CNTNAP5: variants seen among roughly 807,000 people sequenced by gnomAD.
CNTNAP5 encodes contactin-associated protein-like 5.
Under a neutral mutation model 150.2 loss-of-function variants are expected in CNTNAP5, and 72 were observed. The ratio of observed to expected loss-of-function variants is 0.48; its 90% CI spans 0.40 to 0.58. CNTNAP5 has a LOEUF of 0.58. Ranked by LOEUF, CNTNAP5 falls within the 20% of genes least tolerant of loss-of-function variation. The pLI is 0.00. For synonymous variants in CNTNAP5, 672 were observed against 619.8 expected (o/e 1.08, Z -1.25); for missense variants, 1,636 against 1,626.2 (o/e 1.01, Z -0.10).
chr2:124,159,483 G>T (rs1684623772), intron 1 of CNTNAP5, among the ~76,000 whole-genome samples: 1 of 152,116 alleles, frequency 6.6e-6, no homozygotes, highest in South Asian at 2.1e-4. Context: ...TTGGCCTGTG[G>T]GTCATAGCTT....
rs370538920 is a variant in CNTNAP5 at position 124,264,506 on chromosome 2, C to T, written c.381+22113C>T. Among the ~76,000 whole-genome samples, 11 of 152,014 alleles carry T rather than the reference C, an allele frequency of 7.2e-5. No homozygotes were observed. In the East Asian group the frequency reaches 1.9e-3, roughly 27 times the overall value. On this transcript the variant is annotated intron_variant, in intron 3 of 23. Coordinates refer to ENST00000682447, the MANE Select transcript of CNTNAP5 (RefSeq NM_001367498.1). ...CGGACAGTTGATCCTTTTGAGGCAACATAAATATGGTCAGCCTGAGAGTCA... is the reference window on the plus strand; with the variant it reads ...CGGACAGTTGATCCTTTTGAGGCAATATAAATATGGTCAGCCTGAGAGTCA...
At chr2:124,726,465 A>G (rs1680159265) in intron 13 of CNTNAP5, among the ~76,000 whole-genome samples, 1 of 151,996 alleles carries the variant, frequency 6.6e-6, no homozygotes, top group African/African-American at 2.4e-5. Flanking sequence ...CTTTCCCCTA[A>G]GATTGTTAGT....
At chr2:124,336,456 G>T (rs1689471170) in intron 3 of CNTNAP5, among the ~76,000 whole-genome samples, 1 of 151,548 alleles carries the variant, frequency 6.6e-6, no homozygotes, top group South Asian at 2.1e-4. Flanking sequence ...CATGTGCCAT[G>T]TTGGTGTGCT....
At chr2:124,210,908 C>CAGCT (rs1456965097) in intron 1 of CNTNAP5, among the ~76,000 whole-genome samples, 1 of 152,076 alleles carries the variant, frequency 6.6e-6, no homozygotes, top group Non-Finnish European at 1.5e-5. Context: ...TTTCTCCAGC[C>CAGCT]AGCTGTCCCA....
intron 21 of CNTNAP5, among the ~76,000 whole-genome samples, chr2:124,892,695 C>T (rs974422624): frequency 2.0e-5 from 3 of 152,048 alleles, no homozygotes; most frequent in African/African-American, 7.2e-5. Flanking sequence ...AGCAGGCAAC[C>T]TTTATGCAGA....
intron 21 of CNTNAP5, among the ~76,000 whole-genome samples, chr2:124,898,566 G>C (rs906421994): frequency 1.3e-5 from 2 of 151,550 alleles, no homozygotes; most frequent in Non-Finnish European, 2.9e-5. Flanking sequence ...AAATAAAGGT[G>C]TTTGCAAAAT....
At chr2:124,799,437 A>G (rs1681918791) in intron 19 of CNTNAP5, among the ~76,000 whole-genome samples, 1 of 152,214 alleles carries the variant, frequency 6.6e-6, no homozygotes, top group Non-Finnish European at 1.5e-5. Flanking sequence ...ACAGTATGAT[A>G]TAAAAAACAC....
rs1156744323 is a variant in CNTNAP5 at position 124,451,029 on chromosome 2, TAAAAAAAAA to T, written c.918+4107_918+4115del. Among the ~76,000 whole-genome samples, 77 of 20,058 alleles carry T rather than the reference TAAAAAAAAA, an allele frequency of 3.8e-3. 2 individuals are homozygous for T. Among genetic ancestry groups the T allele is most frequent in the Admixed American group, 0.013 (13 of 970 alleles). 13.2% of individuals were successfully genotyped at this position (20,058 alleles called of 152,430 possible). A position where few individuals can be genotyped will look rare whatever the true frequency, so the allele number is the denominator to read the frequency against. Reference sequence around the variant, plus strand: ...GGTAGCAGAATAGGACCATGTCTCTTAAAAAAAAAAAAAAAAAAAAAAATATATATATAT... The same window carrying T: ...GGTAGCAGAATAGGACCATGTCTCTTAAAAAAAAAAAAAATATATATATAT... On this transcript the variant is annotated intron_variant, in intron 6 of 23. Coordinates refer to ENST00000682447, the MANE Select transcript of CNTNAP5 (RefSeq NM_001367498.1).
chr2:124,538,457 GAC>G (rs1305135606), intron 10 of CNTNAP5, among the ~76,000 whole-genome samples: 17 of 151,876 alleles, frequency 1.1e-4, no homozygotes, highest in African/African-American at 3.9e-4. Flanking sequence ...CAGCCTGGGT[GAC>G]ACAGTGTGTG....
chr2:124,872,381 TGTGTGTG>T (rs1677768425), intron 21 of CNTNAP5, among the ~76,000 whole-genome samples: 1 of 83,082 alleles, frequency 1.2e-5, no homozygotes, highest in Non-Finnish European at 2.7e-5. Flanking sequence ...ATGCTGTGTG[TGTGTGTG>T]TGTGTGTGTG....
At chr2:124,033,251 A>T (rs1371001845) in intron 1 of CNTNAP5, among the ~76,000 whole-genome samples, 1 of 152,200 alleles carries the variant, frequency 6.6e-6, no homozygotes, top group East Asian at 1.9e-4. Context: ...AAGTGAAGGG[A>T]AATGCCAAAA....
intron 11 of CNTNAP5, among the ~76,000 whole-genome samples, chr2:124,607,119 TTAGC>T (rs1274340896): frequency 1.3e-5 from 2 of 152,180 alleles, no homozygotes; most frequent in Non-Finnish European, 2.9e-5. Flanking sequence ...CGAGAGTTGA[TTAGC>T]TACCTATTGT....
At chr2:124,848,112 A>G (rs1351918612) in intron 19 of CNTNAP5, among the ~76,000 whole-genome samples, 1 of 152,168 alleles carries the variant, frequency 6.6e-6, no homozygotes, top group African/African-American at 2.4e-5. Flanking sequence ...ATCACCACCC[A>G]TGCTTTACAT....
chr2:124,828,915 G>T (rs1682657042), intron 19 of CNTNAP5, among the ~76,000 whole-genome samples: 1 of 151,878 alleles, frequency 6.6e-6, no homozygotes, highest in Non-Finnish European at 1.5e-5. Flanking sequence ...CTTACATATG[G>T]GGGTGGGGGT....
At chr2:124,266,734 A>G (rs1271175681) in intron 3 of CNTNAP5, among the ~76,000 whole-genome samples, 2 of 152,088 alleles carry the variant, frequency 1.3e-5, no homozygotes, top group African/African-American at 2.4e-5. Context: ...TTCCCAGCAT[A>G]TTAATGCTCT....
intron 3 of CNTNAP5, among the ~76,000 whole-genome samples, chr2:124,265,970 C>T (rs1179493925): frequency 6.6e-6 from 1 of 152,166 alleles, no homozygotes; most frequent in Non-Finnish European, 1.5e-5. Flanking sequence ...TCTCAGCTCG[C>T]ACTACATAAC....
chr2:124,265,946 T>C (rs560873415), intron 3 of CNTNAP5, among the ~76,000 whole-genome samples: 1 of 152,284 alleles, frequency 6.6e-6, no homozygotes, highest in Admixed American at 6.5e-5. Flanking sequence ...ATGTGTCTAG[T>C]GTTGACAACC....
chr2:124,654,256 G>A (rs1163212411), intron 13 of CNTNAP5, among the ~76,000 whole-genome samples: 1 of 152,172 alleles, frequency 6.6e-6, no homozygotes, highest in Non-Finnish European at 1.5e-5. Flanking sequence ...AGAGTAAAGG[G>A]AAGTCACTGG....
chr2:124,405,986 C>A (rs1691560912), intron 3 of CNTNAP5, among the ~76,000 whole-genome samples: 2 of 152,188 alleles, frequency 1.3e-5, no homozygotes, highest in African/African-American at 2.4e-5. Context: ...ACAAGTTTTT[C>A]TCTAAGGTCT....
Sources: allele counts gnomAD v4.1 joint callset (sites outside exome capture counted in the v4.1 genomes callset), GRCh38; gene constraint gnomAD v4.1.1; transcripts MANE v1.5; gene names NCBI Gene and HGNC (gene_info 2026-07-23, HGNC 2026-07-21).